STXBP5L: variants seen among roughly 807,000 people sequenced by gnomAD.
STXBP5L encodes the protein syntaxin binding protein 5L.
Under a neutral mutation model 144.5 loss-of-function variants are expected in STXBP5L, and 65 were observed. That is an observed-to-expected ratio of 0.45 (90% CI 0.37 to 0.55). The LOEUF (loss-of-function observed/expected upper bound fraction) is 0.55, where lower values mean the gene tolerates loss of function less well. Ranked by LOEUF, STXBP5L falls within the 20% of genes least tolerant of loss-of-function variation. The probability of loss-of-function intolerance (pLI) is 0.00; values close to 1 mark genes in which losing one functional copy is unlikely to be tolerated. For missense variants in STXBP5L, 1,298 were observed against 1,405.5 expected (o/e 0.92, Z 1.22); for synonymous variants, 505 against 469.6 (o/e 1.08, Z -0.97).
chr3:121,052,453 A>G (rs924022473), intron 5 of STXBP5L, among the ~76,000 whole-genome samples: 19 of 152,200 alleles, frequency 1.2e-4, no homozygotes, highest in Non-Finnish European at 2.2e-4. Context: ...ACGCAAATCA[A>G]TAAATGTAAT....
At chr3:121,098,521 G>A (rs971225879) in intron 5 of STXBP5L, among the ~76,000 whole-genome samples, 1 of 152,194 alleles carries the variant, frequency 6.6e-6, no homozygotes, top group Non-Finnish European at 1.5e-5. Flanking sequence ...AAGGCAGAGA[G>A]ATCTGCCTCC....
intron 20 of STXBP5L, among the ~76,000 whole-genome samples, chr3:121,362,646 C>T (rs2045745620): frequency 6.6e-6 from 1 of 152,154 alleles, no homozygotes; most frequent in East Asian, 1.9e-4. Context: ...TACCCTCTGG[C>T]CCAGGACAGG....
chr3:121,279,908 T>C lies in STXBP5L; in HGVS notation c.2062T>C (p.Tyr688His). ...TIDLYRSSDL[Y>H]QRQPRSPRKN... ...TGACCTATATAGATCAAGTGACTTA[T>C]ACCAGCGACAACCACGGTCTCCTCG... The change falls in exon 19 of 27, where the codon TAC becomes CAC. Residue 688 changes from tyrosine to histidine, a missense_variant. By Grantham distance (83) the Tyr-to-His change is moderately conservative. Coordinates refer to ENST00000471454, the MANE Select transcript of STXBP5L (RefSeq NM_001308330.2). 3.1e-6 allele frequency: 5 copies of C among 1,612,606 alleles called. No individual in the cohort carries two copies. The highest frequency in any genetic ancestry group is 2.2e-5 in the East Asian group (1 of 44,834).
Position 120,955,148 on chromosome 3 carries a change from A to C in STXBP5L, c.287+111A>C. 3.9e-6 allele frequency: 3 copies of C among 770,588 alleles called. No homozygotes were observed. The South Asian group carries it at 6.0e-5, about 15-fold the overall frequency. 47.7% of individuals were successfully genotyped at this position (770,588 alleles called of 1,614,324 possible). A position where few individuals can be genotyped will look rare whatever the true frequency, so the allele number is the denominator to read the frequency against. On this transcript the variant is annotated intron_variant, in intron 3 of 26. Coordinates refer to ENST00000471454, the MANE Select transcript of STXBP5L (RefSeq NM_001308330.2). ...CAAATAAAGTTTATTATTTTTTAAG[A>C]AATGAGTAACTATTGTGAAAAATCT...
Position 121,350,025 on chromosome 3 carries a change from T to C in STXBP5L, c.2177-28691T>C, listed in dbSNP as rs140964396. On this transcript the variant is annotated intron_variant, in intron 20 of 26. Coordinates refer to ENST00000471454, the MANE Select transcript of STXBP5L (RefSeq NM_001308330.2). ...TGTGATGTTAGCTGGTTATTTTGCTTGTTAGTTGATGCAGTTTCTCCCTAG... is the reference window on the plus strand; with the variant it reads ...TGTGATGTTAGCTGGTTATTTTGCTCGTTAGTTGATGCAGTTTCTCCCTAG... Among the ~76,000 whole-genome samples, 737 of 152,198 alleles carry C rather than the reference T, an allele frequency of 4.8e-3. 12 individuals carry two copies. The highest frequency in any genetic ancestry group is 0.016 in the African/African-American group (679 of 41,514).
At chr3:121,073,515 A>C (rs1439182094) in intron 5 of STXBP5L, among the ~76,000 whole-genome samples, 3 of 152,218 alleles carry the variant, frequency 2.0e-5, no homozygotes, top group African/African-American at 7.2e-5. Context: ...CACTTGGAGA[A>C]ATATGCCGTG....
At chr3:121,376,720 T>A (rs2046194357) in intron 20 of STXBP5L, among the ~76,000 whole-genome samples, 1 of 152,218 alleles carries the variant, frequency 6.6e-6, no homozygotes, top group East Asian at 1.9e-4. Flanking sequence ...ATATGGGCTC[T>A]TTTTTGGTTC....
At chr3:121,384,553 GAAGT>G (rs1164172014) in intron 22 of STXBP5L, among the ~76,000 whole-genome samples, 2 of 152,040 alleles carry the variant, frequency 1.3e-5, no homozygotes, top group Non-Finnish European at 2.9e-5. Flanking sequence ...TAAAAATCTA[GAAGT>G]AAGAGAGGAC....
intron 2 of STXBP5L, among the ~76,000 whole-genome samples, chr3:120,941,704 C>A (rs1260239523): frequency 6.6e-6 from 1 of 151,570 alleles, no homozygotes; most frequent in African/African-American, 2.4e-5. Flanking sequence ...CAAATCATAT[C>A]AATGAACTGG....
chr3:121,403,265 G>A (rs972596811), intron 22 of STXBP5L, among the ~76,000 whole-genome samples: 2 of 152,142 alleles, frequency 1.3e-5, no homozygotes, highest in Admixed American at 1.3e-4. Flanking sequence ...GGGAATCAAG[G>A]TTGGAAGCAG....
At chr3:121,089,694 C>T (rs1455307245) in intron 5 of STXBP5L, among the ~76,000 whole-genome samples, 7 of 151,770 alleles carry the variant, frequency 4.6e-5, no homozygotes, top group African/African-American at 1.2e-4. Flanking sequence ...CCTTTCATTC[C>T]GTTATCCTGA....
intron 22 of STXBP5L, among the ~76,000 whole-genome samples, chr3:121,386,732 A>T (rs1439523407): frequency 2.6e-5 from 4 of 152,014 alleles, no homozygotes; most frequent in Admixed American, 6.6e-5. Context: ...AAGGACATGA[A>T]CTCATCCTTT....
intron 2 of STXBP5L, among the ~76,000 whole-genome samples, chr3:120,925,377 C>A (rs567396102): frequency 5.5e-4 from 84 of 152,246 alleles, no homozygotes; most frequent in Middle Eastern, 3.4e-3. Context: ...TCATTATATC[C>A]TCTTGCTGAA....
intron 3 of STXBP5L, among the ~76,000 whole-genome samples, chr3:120,976,801 T>A (rs947775999): frequency 1.3e-5 from 2 of 152,204 alleles, no homozygotes; most frequent in African/African-American, 4.8e-5. Flanking sequence ...TTTCGTTATG[T>A]ACCCAGTAGT....
chr3:121,078,775 C>T (rs2042132493), intron 5 of STXBP5L, among the ~76,000 whole-genome samples: 1 of 152,262 alleles, frequency 6.6e-6, no homozygotes, highest in Non-Finnish European at 1.5e-5. Flanking sequence ...ACCCAGTACA[C>T]CCTCCGCAGC....
intron 18 of STXBP5L, among the ~76,000 whole-genome samples, chr3:121,277,921 T>A (rs1302920130): frequency 3.3e-5 from 5 of 152,046 alleles, no homozygotes; most frequent in African/African-American, 1.2e-4. Context: ...TTCTGCCTTA[T>A]CTTTTTGGTG....
At chr3:121,056,520 C>T (rs1948471975) in intron 5 of STXBP5L, among the ~76,000 whole-genome samples, 1 of 152,138 alleles carries the variant, frequency 6.6e-6, no homozygotes, top group African/African-American at 2.4e-5. Flanking sequence ...CAAACTGGAT[C>T]CATCTGAATT....
chr3:120,953,850 G>A (rs996686502), intron 2 of STXBP5L, among the ~76,000 whole-genome samples: 6 of 152,066 alleles, frequency 3.9e-5, no homozygotes, highest in Non-Finnish European at 8.8e-5. Context: ...GTACAATATT[G>A]AATAGAGGTG....
intron 2 of STXBP5L, among the ~76,000 whole-genome samples, chr3:120,948,835 T>G (rs913637773): frequency 3.9e-5 from 6 of 152,022 alleles, no homozygotes; most frequent in African/African-American, 1.4e-4. Context: ...TCCATATTTT[T>G]CTGCGATTGG....
Sources: allele counts gnomAD v4.1 joint callset (sites outside exome capture counted in the v4.1 genomes callset), GRCh38; gene constraint gnomAD v4.1.1; transcripts MANE v1.5; gene names NCBI Gene and HGNC (gene_info 2026-07-23, HGNC 2026-07-21).